Variants in GSG1L observed in about 807,000 individuals in gnomAD.
GSG1L encodes germ cell-specific gene 1-like protein.
In GSG1L, 24 loss-of-function variants were observed where a neutral mutation model predicts 42.1. The ratio of observed to expected loss-of-function variants is 0.57; its 90% CI spans 0.41 to 0.80. GSG1L has a LOEUF of 0.80. Among genes scored for constraint, GSG1L ranks in the 30% least tolerant of loss-of-function variants. GSG1L has a pLI of 0.00. For missense variants in GSG1L, 445 were observed against 472.2 expected (o/e 0.94, Z 0.53); for synonymous variants, 215 against 203.5 (o/e 1.06, Z -0.48).
At chr16:27,912,091 G>C (rs2216661) in intron 2 of GSG1L, among the ~76,000 whole-genome samples, 10 of 152,188 alleles carry the variant, frequency 6.6e-5, no homozygotes, top group Non-Finnish European at 1.3e-4. Context: ...GTGGTGGTCA[G>C]GCTGGGGCTT....
intron 1 of GSG1L, among the ~76,000 whole-genome samples, chr16:28,054,388 G>C (rs1049119791): frequency 6.6e-6 from 1 of 152,104 alleles, no homozygotes; most frequent in Non-Finnish European, 1.5e-5. Flanking sequence ...CCACACTTTG[G>C]GAGGCTGAGG....
chr16:28,052,343 G>A (rs1257828974), intron 1 of GSG1L, among the ~76,000 whole-genome samples: 4 of 151,932 alleles, frequency 2.6e-5, no homozygotes, highest in South Asian at 2.1e-4. Flanking sequence ...TGCCCAGGCT[G>A]GTCTCAAACT....
intron 1 of GSG1L, among the ~76,000 whole-genome samples, chr16:28,058,944 T>C (rs1344415490): frequency 2.0e-5 from 3 of 152,130 alleles, no homozygotes; most frequent in African/African-American, 7.2e-5. Flanking sequence ...GTGCCCCACA[T>C]CTAACGATGA....
At chr16:27,963,134 G>A (rs531842344) in intron 2 of GSG1L, 22 bp downstream of exon 2, 3 of 1,606,828 alleles carry the variant, frequency 1.9e-6, no homozygotes, top group Non-Finnish European at 1.7e-6. Context: ...AGCTGCCACA[G>A]CTCAGCTGGG....
intron 1 of GSG1L, among the ~76,000 whole-genome samples, chr16:27,963,485 TC>T (rs2085094254): frequency 6.6e-6 from 1 of 151,796 alleles, no homozygotes; most frequent in African/African-American, 2.4e-5. Context: ...GAATCCACGC[TC>T]CTCCTCACTG....
intron 2 of GSG1L, among the ~76,000 whole-genome samples, chr16:27,901,565 T>G (rs1258796643): frequency 1.3e-5 from 2 of 152,224 alleles, no homozygotes; most frequent in Non-Finnish European, 2.9e-5. Context: ...TGCATGCATG[T>G]TAAAATGCAG....
At chr16:27,954,406 T>C (rs1291848228) in intron 2 of GSG1L, among the ~76,000 whole-genome samples, 1 of 152,090 alleles carries the variant, frequency 6.6e-6, no homozygotes, top group Non-Finnish European at 1.5e-5. Context: ...CAGAGGAAAC[T>C]TCAGAAAATC....
chr16:27,978,616 G>T (rs900899980), intron 1 of GSG1L, among the ~76,000 whole-genome samples: 1 of 150,864 alleles, frequency 6.6e-6, no homozygotes, highest in African/African-American at 2.4e-5. Flanking sequence ...GCTTGAACCT[G>T]GGAGGCGGAG....
intron 1 of GSG1L, among the ~76,000 whole-genome samples, chr16:28,014,654 A>ATTTTT (rs3033619): frequency 1.2e-4 from 9 of 73,452 alleles, no homozygotes; most frequent in Non-Finnish European, 2.1e-4. Flanking sequence ...CAGGCACGCT[A>ATTTTT]TTTTTTTTTT....
intron 5 of GSG1L, among the ~76,000 whole-genome samples, chr16:27,825,913 C>A (rs973667338): frequency 2.6e-5 from 4 of 152,166 alleles, no homozygotes; most frequent in Non-Finnish European, 5.9e-5. Flanking sequence ...TGAGGCCTCC[C>A]CAGCCCTTCT....
At chr16:28,058,322 C>A (rs1030227567) in intron 1 of GSG1L, among the ~76,000 whole-genome samples, 2 of 152,182 alleles carry the variant, frequency 1.3e-5, no homozygotes, top group Admixed American at 6.5e-5. Context: ...GGCTATTATG[C>A]AGACAAAGGA....
intron 6 of GSG1L, among the ~76,000 whole-genome samples, chr16:27,801,519 T>C (rs2082882127): frequency 6.6e-6 from 1 of 152,186 alleles, no homozygotes; most frequent in East Asian, 1.9e-4. Context: ...CGCAGAAATA[T>C]TGCAAAACTC....
intron 2 of GSG1L, among the ~76,000 whole-genome samples, chr16:27,936,518 C>T (rs2084719889): frequency 6.6e-6 from 1 of 152,194 alleles, no homozygotes; most frequent in Admixed American, 6.5e-5. Flanking sequence ...CTTTGCTTTC[C>T]TCCATGAGTG....
At chr16:27,892,738 T>C (rs1051813324) in intron 2 of GSG1L, among the ~76,000 whole-genome samples, 5 of 142,606 alleles carry the variant, frequency 3.5e-5, no homozygotes, top group African/African-American at 1.3e-4. Flanking sequence ...TGCAGTGAGC[T>C]GAGATCGCGC....
At chr16:27,888,533 T>C (rs1423020642) in intron 2 of GSG1L, among the ~76,000 whole-genome samples, 1 of 27,192 alleles carries the variant, frequency 3.7e-5, no homozygotes, top group Non-Finnish European at 8.5e-5. Context: ...CTTTCTTTCT[T>C]TCTTTCTTTC....
intron 6 of GSG1L, among the ~76,000 whole-genome samples, chr16:27,801,343 C>A (rs954731882): frequency 6.6e-6 from 1 of 152,178 alleles, no homozygotes; most frequent in Non-Finnish European, 1.5e-5. Context: ...GAAGAAGAAT[C>A]CCCGCTTCTC....
intron 4 of GSG1L, among the ~76,000 whole-genome samples, chr16:27,837,670 C>T (rs537812655): frequency 6.6e-6 from 1 of 152,368 alleles, no homozygotes; most frequent in South Asian, 2.1e-4. Flanking sequence ...GAAAGTCCAC[C>T]TGGTGATTGT....
At chr16:28,004,586 G>T (rs1334114853) in intron 1 of GSG1L, among the ~76,000 whole-genome samples, 1 of 81,280 alleles carries the variant, frequency 1.2e-5, no homozygotes, top group Non-Finnish European at 3.0e-5. Flanking sequence ...ACCAGCCAGG[G>T]CAACAGAATA....
intron 4 of GSG1L, 124 bp from the exon 5 acceptor site, chr16:27,829,080 A>G (rs1031341553): frequency 2.4e-5 from 20 of 848,322 alleles, no homozygotes; most frequent in Middle Eastern, 3.5e-4. Flanking sequence ...TTAAGCAGTT[A>G]CTGCCACAGA....
Sources: allele counts gnomAD v4.1 joint callset (sites outside exome capture counted in the v4.1 genomes callset), GRCh38; gene constraint gnomAD v4.1.1; transcripts MANE v1.5; gene names NCBI Gene and HGNC (gene_info 2026-07-23, HGNC 2026-07-21).